TSKS: variants seen among roughly 807,000 people sequenced by gnomAD.
TSKS encodes testis specific serine kinase substrate, also known as testis-specific serine kinase substrate.
In TSKS, 27 loss-of-function variants were observed where a neutral mutation model predicts 68.0. That is an observed-to-expected ratio of 0.40 (90% CI 0.29 to 0.55). The LOEUF is 0.55. Ranked by LOEUF, TSKS falls within the 20% of genes least tolerant of loss-of-function variation. The pLI is 0.53. For synonymous variants in TSKS, 331 were observed against 340.4 expected, an observed-to-expected ratio of 0.97 and a Z score of 0.30; for missense variants, 806 against 776.0, an observed-to-expected ratio of 1.04 and a Z score of -0.46.
chr19:49,760,845 T>C (rs928304516), intron 2 of TSKS, among the ~76,000 whole-genome samples: 1 of 151,368 alleles, frequency 6.6e-6, no homozygotes, highest in Admixed American at 6.6e-5. Context: ...TCTCAGCACT[T>C]TGGGAGGCCG....
intron 1 of TSKS, among the ~76,000 whole-genome samples, 184 bp from the exon 2 acceptor site, chr19:49,762,416 T>C (rs539228076): frequency 1.4e-5 from 2 of 142,916 alleles, no homozygotes; most frequent in Non-Finnish European, 3.0e-5. Context: ...CTTTCTTTTT[T>C]CTTTCTTTCT....
At chr19:49,747,124 G>T (rs1308070185) in intron 5 of TSKS, 1 of 1,523,246 alleles carries the variant, frequency 6.6e-7, no homozygotes. Flanking sequence ...GAGTGGGCAT[G>T]TGGACAGGAC....
intron 8 of TSKS, among the ~76,000 whole-genome samples, chr19:49,742,752 C>T (rs1163051422): frequency 6.6e-6 from 1 of 152,128 alleles, no homozygotes; most frequent in Non-Finnish European, 1.5e-5. Flanking sequence ...CCCACTTGGC[C>T]TCCCAAAGTG....
At chr19:49,747,925 T>C (rs1336866947) in intron 4 of TSKS, among the ~76,000 whole-genome samples, 160 bp downstream of exon 4, 1 of 152,130 alleles carries the variant, frequency 6.6e-6, no homozygotes, top group Non-Finnish European at 1.5e-5. Flanking sequence ...GCCAGGCTGG[T>C]CTCAAACTCC....
At chr19:49,753,177 A>G (rs1363042701) in intron 2 of TSKS, among the ~76,000 whole-genome samples, 2 of 152,166 alleles carry the variant, frequency 1.3e-5, no homozygotes. Flanking sequence ...TGTAATTCCA[A>G]CAATTTGGGA....
intron 6 of TSKS, 71 bp downstream of exon 6, chr19:49,746,399 T>C (rs2084300221): frequency 1.3e-6 from 2 of 1,559,100 alleles, no homozygotes; most frequent in Non-Finnish European, 1.7e-6. Context: ...GCCCACCGCA[T>C]CTCCTCGAGG....
At chr19:49,748,204 A>T (rs765043356) in intron 3 of TSKS, 36 bp from the exon 4 acceptor site, 2 of 1,607,604 alleles carry the variant, frequency 1.2e-6, no homozygotes, top group East Asian at 4.5e-5. Context: ...AGCCAAGGAC[A>T]CGAGGGGACA....
At chr19:49,753,384 A>T (rs1046484359) in intron 2 of TSKS, among the ~76,000 whole-genome samples, 1 of 151,864 alleles carries the variant, frequency 6.6e-6, no homozygotes, top group Non-Finnish European at 1.5e-5. Flanking sequence ...AACATGGTGA[A>T]CCCCGTCTCT....
intron 5 of TSKS, chr19:49,747,009 G>GC: frequency 8.2e-7 from 1 of 1,218,936 alleles, no homozygotes; most frequent in Non-Finnish European, 1.1e-6. Flanking sequence ...CCCACAGCCT[G>GC]CCTCCAGGTA....
intron 8 of TSKS, among the ~76,000 whole-genome samples, chr19:49,742,496 CTTT>C (rs978089309): frequency 3.0e-5 from 3 of 101,206 alleles, no homozygotes; most frequent in African/African-American, 8.4e-5. Flanking sequence ...GGGCCCGGCC[CTTT>C]TTTTTTTTTT....
chr19:49,753,002 GT>G, intron 2 of TSKS, among the ~76,000 whole-genome samples: 1 of 152,370 alleles, frequency 6.6e-6, no homozygotes, highest in Non-Finnish European at 1.5e-5. Flanking sequence ...TTTTGTTGTT[GT>G]TCCAGTTTAA....
In TSKS at chr19:49,740,105, C is replaced by A. The variant is rs761672381; in HGVS notation, c.1576G>T (p.Ala526Ser). 2.4e-5 allele frequency: 38 copies of A among 1,614,084 alleles called. No individual in the cohort carries two copies. The highest frequency in any genetic ancestry group is 3.1e-5 in the Non-Finnish European group (37 of 1,180,050). Residue 526 changes from alanine (A) to serine (S), a missense_variant, in exon 10 of 11, where the codon GCC (alanine) becomes TCC (serine). Ala to Ser is a moderately conservative substitution (Grantham distance 99). Transcript: ENST00000246801. The part of the protein sequence containing the change: ...SSTLRLAQDE[A>S]LRAKNLLLTD... ...AGCAGTAGGTTCTTGGCCCGCAGGG[C>A]CTCGTCTTGGGCCAGCCGAAGGGTG...
chr19:49,744,362 T>G lies in TSKS; in HGVS notation c.1230A>C (p.Glu410Asp). The G allele has an allele frequency of 1.9e-6, 3 of 1,614,046 alleles. No homozygotes were observed. The highest frequency in any genetic ancestry group is 2.5e-6 in the Non-Finnish European group (3 of 1,180,022). Residue 410 changes from glutamate to aspartate, a missense_variant, in exon 8 of 11, where the codon GAA (glutamate) becomes GAC (aspartate). Transcript: ENST00000246801. The part of the protein sequence containing the change: ...SAVSVASLRS[E>D]LEGLGPLKPI... ...GTTTCAGTGGGCCCAGCCCCTCCAGTTCGCTCCTCAGTGAAGCCACAGACA... is the reference window on the plus strand; with the variant it reads ...GTTTCAGTGGGCCCAGCCCCTCCAGGTCGCTCCTCAGTGAAGCCACAGACA...
chr19:49,755,480 A>G (rs8102970), intron 2 of TSKS, among the ~76,000 whole-genome samples: 19,406 of 152,024 alleles, frequency 0.13, 1,399 homozygotes, highest in South Asian at 0.23. Flanking sequence ...GTATTACTTG[A>G]GACCAAGAGC....
chr19:49,745,231 C>A lies in TSKS; in HGVS notation c.1158G>T (p.Leu386=). The change falls in exon 7 of 11, where the codon CTG becomes CTT. Residue 386 remains leucine (L), a synonymous_variant. Transcript: ENST00000246801. The stretch of plus-strand genomic sequence containing the variant: ...TGCACAGCTCATCCGCCCGACCTCG[C>A]AGCTCCTGCAAGTCCCGCGCCGTCT... ...QAQTARDLQE[L]RGRADELCTM... 2 of 1,606,032 alleles carry A rather than the reference C, an allele frequency of 1.2e-6. No homozygotes were observed. The highest frequency in any genetic ancestry group is 1.7e-6 in the Non-Finnish European group (2 of 1,177,074).
At chr19:49,757,545 C>G (rs1201979283) in intron 2 of TSKS, among the ~76,000 whole-genome samples, 1 of 152,176 alleles carries the variant, frequency 6.6e-6, no homozygotes, top group Non-Finnish European at 1.5e-5. Flanking sequence ...GCCGTATGAC[C>G]TCATGGAGAG....
chr19:49,756,686 C>A (rs75521062), intron 2 of TSKS, among the ~76,000 whole-genome samples: 20 of 152,252 alleles, frequency 1.3e-4, no homozygotes, highest in East Asian at 1.2e-3. Flanking sequence ...TCCATAAATT[C>A]TTTCACATTC....
intron 8 of TSKS, among the ~76,000 whole-genome samples, chr19:49,743,493 C>CTTTTTTT (rs761657800): frequency 7.7e-5 from 8 of 103,892 alleles, no homozygotes; most frequent in Non-Finnish European, 1.2e-4. Flanking sequence ...AAGTGAATTT[C>CTTTTTTT]TTTTTTTTTT....
intron 8 of TSKS, 103 bp from the exon 9 acceptor site, chr19:49,742,123 TATGCACCCTATGCAACCTTCCCAGC>T (rs1479016690): frequency 1.6e-6 from 2 of 1,286,790 alleles, no homozygotes; most frequent in Non-Finnish European, 2.2e-6. Context: ...TCGTTTCCAG[TATGCACCCTATGCAACCTTCCCAGC>T]ATGCACTGTG....
Sources: gnomAD v4.1 joint callset for allele counts (sites outside exome capture counted in the v4.1 genomes callset) on GRCh38, gnomAD v4.1.1 for gene constraint, MANE v1.5 for transcripts, NCBI Gene and HGNC (gene_info 2026-07-23, HGNC 2026-07-21) for gene names.